Variants in SLC2A13 observed in about 807,000 individuals in gnomAD.
SLC2A13 encodes proton myo-inositol cotransporter.
SLC2A13 carries 32 observed loss-of-function variants against 64.4 expected under a neutral mutation model. The ratio of observed to expected loss-of-function variants is 0.50; its 90% confidence interval spans 0.37 to 0.67. The LOEUF (loss-of-function observed/expected upper bound fraction) is 0.67, where lower values mean the gene tolerates loss of function less well. SLC2A13 is among the 30% of genes least tolerant of loss of function. SLC2A13 has a pLI of 0.00. For synonymous variants in SLC2A13, 338 were observed against 327.1 expected, an observed-to-expected ratio of 1.03 and a Z score of -0.36; for missense variants, 743 against 829.2, an observed-to-expected ratio of 0.90 and a Z score of 1.28.
At chr12:39,880,039 C>T (rs1299045287) in intron 4 of SLC2A13, among the ~76,000 whole-genome samples, 1 of 151,864 alleles carries the variant, frequency 6.6e-6, no homozygotes, top group Non-Finnish European at 1.5e-5. Context: ...GGCACCTCAC[C>T]CTGCACTCTC....
intron 7 of SLC2A13, among the ~76,000 whole-genome samples, chr12:39,794,623 A>G (rs191145719): frequency 3.0e-4 from 45 of 152,272 alleles, no homozygotes; most frequent in African/African-American, 1.0e-3. Flanking sequence ...TAACCAATCC[A>G]GCTGTTTTTG....
intron 3 of SLC2A13, among the ~76,000 whole-genome samples, chr12:39,960,949 G>A (rs1011237535): frequency 3.3e-5 from 5 of 150,990 alleles, no homozygotes; most frequent in Admixed American, 6.6e-5. Flanking sequence ...GTTTCACCAC[G>A]TTGGCCATGC....
chr12:39,847,129 C>T (rs959352152), intron 6 of SLC2A13, among the ~76,000 whole-genome samples: 12 of 152,290 alleles, frequency 7.9e-5, no homozygotes, highest in African/African-American at 2.9e-4. Flanking sequence ...TTCTAATGAG[C>T]ACAGAGAGAA....
chr12:39,906,425 T>C (rs1338398744), intron 4 of SLC2A13, among the ~76,000 whole-genome samples: 1 of 152,104 alleles, frequency 6.6e-6, no homozygotes, highest in Non-Finnish European at 1.5e-5. Context: ...ACAATAGATA[T>C]GAAAGTCACT....
At chr12:39,965,040 AAAAC>A (rs796364113) in intron 3 of SLC2A13, among the ~76,000 whole-genome samples, 105 of 152,340 alleles carry the variant, frequency 6.9e-4, no homozygotes, top group African/African-American at 2.4e-3. Flanking sequence ...CCTCTCCAAT[AAAAC>A]AATCAGATAC....
intron 4 of SLC2A13, among the ~76,000 whole-genome samples, chr12:39,904,158 G>T (rs1297149975): frequency 6.6e-6 from 1 of 152,236 alleles, no homozygotes; most frequent in African/African-American, 2.4e-5. Context: ...TACACAGGAT[G>T]CACTTCTTTC....
chr12:40,026,523 C>T (rs745999885), intron 3 of SLC2A13, among the ~76,000 whole-genome samples: 11 of 152,066 alleles, frequency 7.2e-5, no homozygotes, highest in Admixed American at 2.0e-4. Context: ...TAGGATACAC[C>T]GTCAACACTG....
At chr12:39,805,578 C>T (rs534855405) in intron 7 of SLC2A13, among the ~76,000 whole-genome samples, 1 of 151,758 alleles carries the variant, frequency 6.6e-6, no homozygotes, top group South Asian at 2.1e-4. Context: ...AAAAACTGAT[C>T]TATTATATTT....
chr12:40,016,520 C>A (rs1401051686), intron 3 of SLC2A13, among the ~76,000 whole-genome samples: 1 of 152,132 alleles, frequency 6.6e-6, no homozygotes, highest in Non-Finnish European at 1.5e-5. Flanking sequence ...TCAAGATAAT[C>A]ATTTGTCTTA....
At chr12:39,889,098 G>T (rs1166680999) in intron 4 of SLC2A13, among the ~76,000 whole-genome samples, 1 of 151,924 alleles carries the variant, frequency 6.6e-6, no homozygotes, top group African/African-American at 2.4e-5. Flanking sequence ...TAAAAGAATT[G>T]CTCTTATTTT....
chr12:39,766,320 T>C (rs992365430), intron 7 of SLC2A13, among the ~76,000 whole-genome samples: 1 of 152,106 alleles, frequency 6.6e-6, no homozygotes, highest in African/African-American at 2.4e-5. Context: ...CCACTACATA[T>C]AAAAGTTATG....
chr12:39,951,436 G>A, intron 3 of SLC2A13, 71 bp from the exon 4 acceptor site: 3 of 1,248,480 alleles, frequency 2.4e-6, no homozygotes, highest in Non-Finnish European at 3.2e-6. Flanking sequence ...ATTCCCAATA[G>A]GACAAATTTT....
At chr12:39,985,085 CT>C (rs1947004370) in intron 3 of SLC2A13, among the ~76,000 whole-genome samples, 1 of 152,022 alleles carries the variant, frequency 6.6e-6, no homozygotes. Context: ...CAATTTTTAA[CT>C]ATAATAATAG....
At chr12:39,781,334 C>T (rs1353510917) in intron 7 of SLC2A13, among the ~76,000 whole-genome samples, 2 of 152,090 alleles carry the variant, frequency 1.3e-5, no homozygotes, top group Admixed American at 6.5e-5. Flanking sequence ...ACTGTCACAC[C>T]CAGTCTCCTA....
rs374467870 is a variant in SLC2A13, at chr12:39,777,964, A to G, written c.1446-13106T>C. On this transcript the variant is annotated intron_variant, in intron 7 of 9. Coordinates refer to ENST00000280871, the MANE Select transcript of SLC2A13 (RefSeq NM_052885.4). ...CTAATTGAGCTGACTAACACGAGCTACCTATGGATGGCTAAACTAAAAGAG... is the reference window on the plus strand; with the variant it reads ...CTAATTGAGCTGACTAACACGAGCTGCCTATGGATGGCTAAACTAAAAGAG... 9.8e-5 allele frequency among the ~76,000 whole-genome samples: 15 copies of G among 152,314 alleles called. No homozygotes were observed. The East Asian group carries it at 1.7e-3, about 18-fold the overall frequency.
intron 3 of SLC2A13, among the ~76,000 whole-genome samples, chr12:40,003,310 A>T (rs1243550029): frequency 6.6e-6 from 1 of 152,240 alleles, no homozygotes; most frequent in Non-Finnish European, 1.5e-5. Context: ...CTAGAATCTT[A>T]AATTTCAATG....
intron 1 of SLC2A13, among the ~76,000 whole-genome samples, chr12:40,048,749 G>T (rs956552978): frequency 6.6e-6 from 1 of 152,092 alleles, no homozygotes; most frequent in Non-Finnish European, 1.5e-5. Context: ...GAATAAAAGA[G>T]TTTTACAGCT....
chr12:39,778,887 ACT>A (rs964147906), intron 7 of SLC2A13, among the ~76,000 whole-genome samples: 2 of 152,040 alleles, frequency 1.3e-5, no homozygotes, highest in South Asian at 2.1e-4. Context: ...TTCCAGGAAA[ACT>A]CTGTTTCTAT....
At chr12:39,898,829 A>G (rs1944999272) in intron 4 of SLC2A13, among the ~76,000 whole-genome samples, 1 of 152,150 alleles carries the variant, frequency 6.6e-6, no homozygotes, top group African/African-American at 2.4e-5. Flanking sequence ...GTAACTTCAC[A>G]CATTTTGGAT....
Sources: gnomAD v4.1 joint callset for allele counts (sites outside exome capture counted in the v4.1 genomes callset) on GRCh38, gnomAD v4.1.1 for gene constraint, MANE v1.5 for transcripts, NCBI Gene and HGNC (gene_info 2026-07-23, HGNC 2026-07-21) for gene names.